The following RANBP17 variants were observed in gnomAD, a reference collection of about 807,000 sequenced individuals.
The protein encoded by RANBP17 is RAN binding protein 17.
Under a neutral mutation model 141.2 loss-of-function variants are expected in RANBP17, and 158 were observed. That is an observed-to-expected ratio of 1.12 (90% CI 0.98 to 1.28). The LOEUF (loss-of-function observed/expected upper bound fraction) is 1.28, where lower values mean the gene tolerates loss of function less well. Ranked by LOEUF, RANBP17 falls within the 50% of genes most tolerant of loss-of-function variation. The pLI is 0.00. For missense variants in RANBP17, 1,438 were observed against 1,290.7 expected (o/e 1.11, Z -1.75); for synonymous variants, 430 against 450.0 (o/e 0.96, Z 0.56).
intron 25 of RANBP17, among the ~76,000 whole-genome samples, chr5:171,274,029 A>G (rs1202719208): frequency 6.6e-6 from 1 of 152,106 alleles, no homozygotes; most frequent in African/African-American, 2.4e-5. Context: ...ATGAAGTGAA[A>G]CTGACCTAAT....
intron 14 of RANBP17, among the ~76,000 whole-genome samples, chr5:171,055,082 C>T (rs1783250745): frequency 6.6e-6 from 1 of 152,022 alleles, no homozygotes; most frequent in African/African-American, 2.4e-5. Context: ...CAGTGTATTC[C>T]ACAACAGTAA....
chr5:170,942,557 A>G (rs1774413761), intron 12 of RANBP17, among the ~76,000 whole-genome samples: 1 of 152,142 alleles, frequency 6.6e-6, no homozygotes, highest in South Asian at 2.1e-4. Context: ...TTGTTTAGGA[A>G]TATATGTATA....
chr5:170,901,119 T>C (rs1770599240), intron 5 of RANBP17, among the ~76,000 whole-genome samples: 1 of 152,202 alleles, frequency 6.6e-6, no homozygotes, highest in East Asian at 1.9e-4. Context: ...TGTTAAAGTC[T>C]CCCACTATTA....
At chr5:170,881,150 A>G (rs952064499) in intron 2 of RANBP17, among the ~76,000 whole-genome samples, 1 of 152,236 alleles carries the variant, frequency 6.6e-6, no homozygotes, top group African/African-American at 2.4e-5. Context: ...TGCAAAAAAC[A>G]TTCTTAGGTC....
At chr5:171,091,373 A>G (rs977511615) in intron 14 of RANBP17, among the ~76,000 whole-genome samples, 5 of 151,582 alleles carry the variant, frequency 3.3e-5, no homozygotes, top group African/African-American at 7.3e-5. Flanking sequence ...TATTTATCCA[A>G]TGCCTGTACC....
chr5:171,273,804 C>G (rs1767287413), intron 25 of RANBP17, among the ~76,000 whole-genome samples: 1 of 152,132 alleles, frequency 6.6e-6, no homozygotes, highest in South Asian at 2.1e-4. Context: ...TTATTTCCAT[C>G]TGGTTCTTTT....
At chr5:171,022,805 C>G (rs1780964630) in intron 14 of RANBP17, among the ~76,000 whole-genome samples, 1 of 152,218 alleles carries the variant, frequency 6.6e-6, no homozygotes, top group African/African-American at 2.4e-5. Context: ...AGCTATGGTG[C>G]TGGTTGCCCC....
chr5:171,017,405 G>T (rs1049768940), intron 14 of RANBP17, among the ~76,000 whole-genome samples: 6 of 151,944 alleles, frequency 3.9e-5, no homozygotes, highest in Non-Finnish European at 7.4e-5. Flanking sequence ...CCACACCCTC[G>T]CCAGCATCTA....
chr5:170,956,751 AT>A (rs538657725), intron 13 of RANBP17, among the ~76,000 whole-genome samples: 2 of 144,224 alleles, frequency 1.4e-5, no homozygotes, highest in Non-Finnish European at 3.0e-5. Flanking sequence ...TGCCCAGCTG[AT>A]TTTTTTTTAA....
chr5:170,924,824 A>G (rs922346524), intron 12 of RANBP17: 6 of 260,238 alleles, frequency 2.3e-5, no homozygotes, highest in African/African-American at 4.4e-5. Context: ...CAGATAGTTT[A>G]TGAACATAAC....
chr5:171,030,038 A>G (rs1781462157), intron 14 of RANBP17, among the ~76,000 whole-genome samples: 1 of 152,022 alleles, frequency 6.6e-6, no homozygotes, highest in African/African-American at 2.4e-5. Context: ...CTATTGGCTA[A>G]TTTTCCAAGT....
Position 170,953,614 on chromosome 5 carries a change from G to T in RANBP17, c.1486G>T (p.Val496Leu), listed in dbSNP as rs1475888226. Residue 496 changes from valine to leucine, a missense_variant, in exon 13 of 28, where the codon GTA (valine) becomes TTA (leucine). By Grantham distance (32) the Val-to-Leu change is conservative. Coordinates refer to ENST00000523189, the MANE Select transcript of RANBP17 (RefSeq NM_022897.5). The part of the protein sequence containing the change: ...TIQEGRLAWL[V>L]YLVGTVVGGR... ...TATATTAGGACGTCTTGCATGGCTG[G>T]TATACTTAGTTGGGACAGTTGTAGG... is the stretch of plus-strand genomic sequence containing the variant. The T allele has an allele frequency of 1.9e-6, 3 of 1,609,280 alleles. No homozygotes were observed. Among genetic ancestry groups the T allele is most frequent in the East Asian group, 2.2e-5 (1 of 44,730 alleles).
intron 24 of RANBP17, among the ~76,000 whole-genome samples, chr5:171,257,994 T>C (rs533531989): frequency 2.0e-5 from 3 of 151,984 alleles, no homozygotes; most frequent in Admixed American, 2.0e-4. Flanking sequence ...TAATCCCAGC[T>C]ACTCAGGAGG....
At chr5:171,118,357 C>T (rs61035293) in intron 14 of RANBP17, among the ~76,000 whole-genome samples, 7,005 of 152,028 alleles carry the variant, frequency 0.046, 204 homozygotes, top group East Asian at 0.12. Flanking sequence ...TCTTTTTACT[C>T]GATGTCATTT....
intron 13 of RANBP17, among the ~76,000 whole-genome samples, chr5:170,955,162 G>A (rs551366064): frequency 9.0e-4 from 137 of 152,172 alleles, no homozygotes; most frequent in Non-Finnish European, 1.7e-3. Flanking sequence ...CAGGAAACTG[G>A]TCCCTGGTGC....
rs3080623 is a variant in RANBP17, at chr5:170,894,486, T to TTATATATATA, written c.424-1552_424-1543dup. Among the ~76,000 whole-genome samples, 50 of 133,306 alleles carry TTATATATATA rather than the reference T, an allele frequency of 3.8e-4. 1 individual carries two copies. Among genetic ancestry groups the TTATATATATA allele is most frequent in the Middle Eastern group, 4.0e-3 (1 of 250 alleles). 87.5% of individuals were successfully genotyped at this position (133,306 alleles called of 152,430 possible). A position where few individuals can be genotyped will look rare whatever the true frequency, so the allele number is the denominator to read the frequency against. On this transcript the variant is annotated intron_variant, in intron 4 of 27. Transcript: ENST00000523189. ...CCATAGAATAGTTAGTACGTGTTTT[T>TTATATATATA]TATATATATATATATATATATGGCT...
intron 12 of RANBP17, among the ~76,000 whole-genome samples, chr5:170,951,246 A>T (rs1196893451): frequency 6.6e-6 from 1 of 152,118 alleles, no homozygotes; most frequent in Non-Finnish European, 1.5e-5. Flanking sequence ...TCAACACAGA[A>T]ATGGTGAATA....
At chr5:170,926,762 C>G (rs528861180) in intron 12 of RANBP17, among the ~76,000 whole-genome samples, 2 of 152,078 alleles carry the variant, frequency 1.3e-5, no homozygotes, top group Non-Finnish European at 2.9e-5. Context: ...TTTCTTCACT[C>G]TAGCAAGTAG....
chr5:170,924,688 T>A, intron 12 of RANBP17, 138 bp downstream of exon 12: 1 of 561,598 alleles, frequency 1.8e-6, no homozygotes, highest in Non-Finnish European at 3.0e-6. Flanking sequence ...TTAATTTTAT[T>A]AACCTCCTGG....
Sources: gnomAD v4.1 joint callset for allele counts (sites outside exome capture counted in the v4.1 genomes callset) on GRCh38, gnomAD v4.1.1 for gene constraint, MANE v1.5 for transcripts, NCBI Gene and HGNC (gene_info 2026-07-23, HGNC 2026-07-21) for gene names.